The following PGM5 variants were observed in gnomAD, a reference collection of about 807,000 sequenced individuals.
The protein encoded by PGM5 is phosphoglucomutase-like protein 5.
A neutral mutation model predicts 59.2 loss-of-function variants in PGM5; 23 were observed. The observed-to-expected ratio is 0.39, with a 90% CI of 0.28 to 0.55. PGM5 has a LOEUF of 0.55. PGM5 is among the 20% of genes least tolerant of loss of function. The pLI is 0.66. For missense variants in PGM5, 574 were observed against 748.3 expected (o/e 0.77, Z 2.72); for synonymous variants, 214 against 286.0 (o/e 0.75, Z 2.54).
At chr9:68,390,146 C>T (rs1172075081) in intron 4 of PGM5, among the ~76,000 whole-genome samples, 2 of 152,080 alleles carry the variant, frequency 1.3e-5, no homozygotes, top group Non-Finnish European at 2.9e-5. Context: ...TCTGAGCCTG[C>T]TATGGGTCTT....
At chr9:68,493,599 G>C (rs2132100898) in intron 9 of PGM5, among the ~76,000 whole-genome samples, 1 of 152,268 alleles carries the variant, frequency 6.6e-6, no homozygotes, top group South Asian at 2.1e-4. Context: ...CTTCTTTCAG[G>C]ATGTTAAGAT....
At chr9:68,416,005 C>T (rs1823024284) in intron 6 of PGM5, among the ~76,000 whole-genome samples, 1 of 151,552 alleles carries the variant, frequency 6.6e-6, no homozygotes, top group Admixed American at 6.6e-5. Flanking sequence ...AGGGGCTGTC[C>T]AGTTCAGTTG....
intron 10 of PGM5, among the ~76,000 whole-genome samples, chr9:68,515,416 A>G (rs1339763296): frequency 6.6e-6 from 1 of 152,138 alleles, no homozygotes; most frequent in East Asian, 1.9e-4. Flanking sequence ...TGCTTCTGCT[A>G]CTCAACTCTG....
At chr9:68,459,601 A>G (rs1364680691) in intron 6 of PGM5, among the ~76,000 whole-genome samples, 1 of 152,194 alleles carries the variant, frequency 6.6e-6, no homozygotes, top group African/African-American at 2.4e-5. Context: ...TAAATACACC[A>G]CAGTTGGTAC....
At chr9:68,503,534 G>A (rs181664946) in intron 10 of PGM5, among the ~76,000 whole-genome samples, 6 of 152,312 alleles carry the variant, frequency 3.9e-5, no homozygotes, top group African/African-American at 1.4e-4. Flanking sequence ...CAAAGTTGGG[G>A]ATCTGTACTT....
intron 6 of PGM5, among the ~76,000 whole-genome samples, chr9:68,422,280 C>G (rs1348320835): frequency 6.6e-6 from 1 of 152,062 alleles, no homozygotes; most frequent in East Asian, 1.9e-4. Flanking sequence ...TGCCTGGGAA[C>G]TCCATTTGCA....
At chr9:68,421,467 C>T (rs2132047892) in intron 6 of PGM5, among the ~76,000 whole-genome samples, 1 of 152,208 alleles carries the variant, frequency 6.6e-6, no homozygotes, top group South Asian at 2.1e-4. Context: ...CTGGTAATCT[C>T]AGCATTTGGG....
intron 6 of PGM5, among the ~76,000 whole-genome samples, chr9:68,422,387 G>T (rs1209630028): frequency 6.6e-5 from 10 of 151,994 alleles, no homozygotes; most frequent in African/African-American, 2.4e-4. Context: ...CCTACCTCTT[G>T]GTAACAAAAC....
At chr9:68,385,088 A>G (rs1554678736) in intron 3 of PGM5, among the ~76,000 whole-genome samples, 2 of 152,054 alleles carry the variant, frequency 1.3e-5, no homozygotes, top group Non-Finnish European at 2.9e-5. Flanking sequence ...TGATTCAAAA[A>G]TTAAAGAACC....
At chr9:68,440,865 A>G (rs1274993445) in intron 6 of PGM5, among the ~76,000 whole-genome samples, 1 of 152,058 alleles carries the variant, frequency 6.6e-6, no homozygotes, top group Non-Finnish European at 1.5e-5. Context: ...ACACCAATAG[A>G]AACAAAAGCT....
chr9:68,387,719 G>T, intron 4 of PGM5, 131 bp downstream of exon 4: 1 of 882,650 alleles, frequency 1.1e-6, no homozygotes, highest in East Asian at 2.7e-5. Context: ...CAGATATTTG[G>T]AATGCTCTGG....
At chr9:68,431,095 A>G (rs1823338567) in intron 6 of PGM5, among the ~76,000 whole-genome samples, 4 of 152,306 alleles carry the variant, frequency 2.6e-5, no homozygotes, top group African/African-American at 9.6e-5. Context: ...AAAGCAAATG[A>G]AACTCTAAGT....
chr9:68,437,593 A>T lies in PGM5; in HGVS notation c.1044-27500A>T, dbSNP rs1335736025. ...CACACACACTCACACACACACACACACACACACTCTCACACATTTTACCCA... is the reference window on the plus strand; with the variant it reads ...CACACACACTCACACACACACACACTCACACACTCTCACACATTTTACCCA... On this transcript the variant is annotated intron_variant, in intron 6 of 10. Coordinates refer to ENST00000396396, the MANE Select transcript of PGM5 (RefSeq NM_021965.4). The surrounding 1 kb of genome is among the most constrained non-coding windows in gnomAD (Gnocchi z 4.1). 6.7e-6 allele frequency among the ~76,000 whole-genome samples: 1 copy of T among 149,552 alleles called. No homozygotes were observed. The highest frequency in any genetic ancestry group is 1.5e-5 in the Non-Finnish European group (1 of 67,980).
rs375740427 is a variant in PGM5, at chr9:68,505,058, C to T, written c.1614+5697C>T. ...TAAATACATCCTTTATCTTATTCATCGTTCCAGTGGCCTCATGGCAGAATT... is the reference window on the plus strand; with the variant it reads ...TAAATACATCCTTTATCTTATTCATTGTTCCAGTGGCCTCATGGCAGAATT... On this transcript the variant is annotated intron_variant, in intron 10 of 10. Coordinates refer to ENST00000396396, the MANE Select transcript of PGM5 (RefSeq NM_021965.4). Among the ~76,000 whole-genome samples, 81 of 152,284 alleles carry T rather than the reference C, an allele frequency of 5.3e-4. 1 individual carries two copies. In the South Asian group the frequency reaches 0.012, roughly 23 times the overall value.
chr9:68,430,423 T>C (rs1492822), intron 6 of PGM5, among the ~76,000 whole-genome samples: 71,411 of 152,180 alleles, frequency 0.47, 17,711 homozygotes, highest in South Asian at 0.56. Flanking sequence ...ACTCAACTTA[T>C]GGATGTATCA....
chr9:68,363,414 T>C (rs1834618973), intron 1 of PGM5, among the ~76,000 whole-genome samples: 1 of 152,294 alleles, frequency 6.6e-6, no homozygotes, highest in South Asian at 2.1e-4. Flanking sequence ...GTAGCTACCA[T>C]ACTGGACAGC....
At chr9:68,511,501 A>C (rs940102884) in intron 10 of PGM5, among the ~76,000 whole-genome samples, 2 of 149,124 alleles carry the variant, frequency 1.3e-5, no homozygotes, top group African/African-American at 2.5e-5. Context: ...CATGTGAATA[A>C]ATGTTCAATA....
At chr9:68,483,661 G>A (rs1160188254) in intron 8 of PGM5, among the ~76,000 whole-genome samples, 2 of 152,170 alleles carry the variant, frequency 1.3e-5, no homozygotes, top group African/African-American at 4.8e-5. Context: ...AAAGAAAGTG[G>A]CATGATTTGA....
chr9:68,419,739 TG>T (rs1221609465), intron 6 of PGM5, among the ~76,000 whole-genome samples: 1 of 152,200 alleles, frequency 6.6e-6, no homozygotes, highest in Non-Finnish European at 1.5e-5. Context: ...AATAATTTTG[TG>T]GTAGAAATCA....
Sources: allele counts gnomAD v4.1 joint callset (sites outside exome capture counted in the v4.1 genomes callset), GRCh38; gene constraint gnomAD v4.1.1; non-coding constraint Gnocchi (gnomAD v3.1); transcripts MANE v1.5; gene names NCBI Gene and HGNC (gene_info 2026-07-23, HGNC 2026-07-21).